Variants in ANO4 observed in about 807,000 individuals in gnomAD.
ANO4 encodes the protein anoctamin 4, also known as anoctamin-4.
ANO4 carries 69 observed loss-of-function variants against 141.9 expected under a neutral mutation model. The observed-to-expected ratio is 0.49, with a 90% CI of 0.40 to 0.59. The LOEUF is 0.59. Among genes scored for constraint, ANO4 ranks in the 20% least tolerant of loss-of-function variants. The pLI, the probability that ANO4 is intolerant of heterozygous loss-of-function variation, is 0.00. For synonymous variants in ANO4, 350 were observed against 394.3 expected, an observed-to-expected ratio of 0.89 and a Z score of 1.33; for missense variants, 894 against 1,162.2, an observed-to-expected ratio of 0.77 and a Z score of 3.36.
intron 14 of ANO4, among the ~76,000 whole-genome samples, chr12:101,066,110 C>G (rs2048573785): frequency 6.6e-6 from 1 of 152,172 alleles, no homozygotes; most frequent in African/African-American, 2.4e-5. Flanking sequence ...AAGGAGAATA[C>G]TTCAACATAA....
rs1258081810 is a variant in ANO4 at position 100,786,444 on chromosome 12, G to T, written c.358+46339G>T. ...CTTCTTCAAGCCACACCTGTTCTTG[G>T]AATGGTACCTCTGCATTGGGGCAGG... On this transcript the variant is annotated intron_variant, in intron 3 of 29. Coordinates refer to the ANO4 transcript ENST00000644049. Among the ~76,000 whole-genome samples, 4 of 152,146 alleles carry T rather than the reference G, an allele frequency of 2.6e-5. No individual in the cohort carries two copies. In the East Asian group the frequency reaches 7.7e-4, roughly 29 times the overall value.
At chr12:100,796,839 T>C (rs541580169) in intron 1 of ANO4, among the ~76,000 whole-genome samples, 1 of 152,248 alleles carries the variant, frequency 6.6e-6, no homozygotes, top group Non-Finnish European at 1.5e-5. Context: ...TGCTTAATCT[T>C]TTTTTCTCTT....
chr12:101,024,319 G>C (rs978119130), intron 9 of ANO4, among the ~76,000 whole-genome samples: 2 of 152,190 alleles, frequency 1.3e-5, no homozygotes, highest in Non-Finnish European at 2.9e-5. Flanking sequence ...TCTGAGGCCA[G>C]GCACGGTGGC....
At chr12:101,002,995 T>A (rs935573073) in intron 8 of ANO4, among the ~76,000 whole-genome samples, 2 of 152,160 alleles carry the variant, frequency 1.3e-5, no homozygotes, top group African/African-American at 4.8e-5. Context: ...CCTATGTTGC[T>A]CTCCTCCCCA....
chr12:100,748,895 C>T (rs552351384), intron 3 of ANO4, among the ~76,000 whole-genome samples: 5 of 151,950 alleles, frequency 3.3e-5, no homozygotes, highest in Non-Finnish European at 5.9e-5. Flanking sequence ...AGATTTTAAT[C>T]GTATGTTATG....
intron 3 of ANO4, among the ~76,000 whole-genome samples, chr12:100,748,012 G>C (rs10860629): frequency 0.25 from 38,072 of 151,968 alleles, 4,991 homozygotes; most frequent in East Asian, 0.46. Context: ...GCTTTTACCT[G>C]TGCACCTAAG....
chr12:100,998,379 T>TTATCTATCTATCTATC (rs5800449), intron 8 of ANO4, among the ~76,000 whole-genome samples: 178 of 148,880 alleles, frequency 1.2e-3, no homozygotes, highest in East Asian at 2.6e-3. Context: ...AAACTCCCCT[T>TTATCTATCTATCTATC]TATCTATCTA....
At chr12:100,771,478 A>AT (rs950968953) in intron 3 of ANO4, among the ~76,000 whole-genome samples, 3 of 151,602 alleles carry the variant, frequency 2.0e-5, no homozygotes, top group African/African-American at 7.3e-5. Context: ...AGAAAGCACC[A>AT]CCCCCCACCC....
chr12:100,749,994 G>GGTTCAAT (rs2032300015), intron 3 of ANO4, among the ~76,000 whole-genome samples: 1 of 152,152 alleles, frequency 6.6e-6, no homozygotes, highest in South Asian at 2.1e-4. Flanking sequence ...ATATGATACT[G>GGTTCAAT]AAGCTTCATA....
intron 8 of ANO4, among the ~76,000 whole-genome samples, chr12:101,012,112 A>G (rs574688548): frequency 1.0e-3 from 155 of 152,284 alleles, no homozygotes; most frequent in African/African-American, 3.6e-3. Flanking sequence ...AAATTTATCT[A>G]TAATATAACC....
At chr12:100,975,801 G>A (rs1436976047) in intron 7 of ANO4, among the ~76,000 whole-genome samples, 1 of 151,928 alleles carries the variant, frequency 6.6e-6, no homozygotes, top group Non-Finnish European at 1.5e-5. Context: ...AGCTTGAAGT[G>A]CAGATAGTCA....
intron 8 of ANO4, among the ~76,000 whole-genome samples, chr12:100,991,042 T>A (rs1378156086): frequency 6.6e-6 from 1 of 152,032 alleles, no homozygotes; most frequent in Non-Finnish European, 1.5e-5. Flanking sequence ...CTGGAATGAA[T>A]CAAACCGAAG....
rs117590046 is a variant in ANO4 at position 100,754,324 on chromosome 12, C to T, written c.358+14219C>T. Among the ~76,000 whole-genome samples, 416 of 152,328 alleles carry T rather than the reference C, an allele frequency of 2.7e-3. 8 individuals carry two copies. In the East Asian group the frequency reaches 0.028, roughly 10 times the overall value. ...ATGCTCTTTTCTTTAGTCCTGTGGT[C>T]ATTGCCATGGATCAAGTCTTTCTAC... is the stretch of plus-strand genomic sequence containing the variant. On this transcript the variant is annotated intron_variant, in intron 3 of 29. Transcript: ENST00000644049.
At chr12:100,731,710 G>A (rs1173138544) in intron 1 of ANO4, among the ~76,000 whole-genome samples, 2 of 152,030 alleles carry the variant, frequency 1.3e-5, no homozygotes, top group African/African-American at 4.8e-5. Context: ...CCATAGTTTT[G>A]CCTTTTCCAG....
chr12:101,008,496 C>T lies in ANO4; in HGVS notation c.735-11538C>T, dbSNP rs149786613. 5.3e-5 allele frequency among the ~76,000 whole-genome samples: 8 copies of T among 152,178 alleles called. No homozygotes were observed. In the East Asian group the frequency reaches 1.5e-3, roughly 29 times the overall value. ...ACTACAGTAGATACCTATTCTTATC[C>T]TTTCAACGTAGTTATATTACAATTT... On this transcript the variant is annotated intron_variant, in intron 8 of 27. Transcript: ENST00000392977.
chr12:100,864,348 A>G (rs927455042), intron 1 of ANO4, among the ~76,000 whole-genome samples: 5 of 152,162 alleles, frequency 3.3e-5, no homozygotes, highest in Non-Finnish European at 7.4e-5. Context: ...CCCCCAAGAA[A>G]AATTAAGATT....
intron 1 of ANO4, among the ~76,000 whole-genome samples, chr12:100,891,448 G>A (rs2040099593): frequency 6.6e-6 from 1 of 152,184 alleles, no homozygotes; most frequent in South Asian, 2.1e-4. Context: ...AGCAGTGAAT[G>A]AAGGTTCCTG....
chr12:101,119,316 C>T (rs572723219), intron 25 of ANO4, among the ~76,000 whole-genome samples: 2 of 152,082 alleles, frequency 1.3e-5, no homozygotes, highest in South Asian at 4.2e-4. Flanking sequence ...AAAAATTAGC[C>T]AGGCATTTTT....
chr12:100,901,302 A>G (rs2040581665), intron 1 of ANO4, among the ~76,000 whole-genome samples: 1 of 152,206 alleles, frequency 6.6e-6, no homozygotes, highest in Non-Finnish European at 1.5e-5. Flanking sequence ...ACTTTGGCCT[A>G]TCTGTGAATC....
Sources: allele counts gnomAD v4.1 joint callset (sites outside exome capture counted in the v4.1 genomes callset), GRCh38; gene constraint gnomAD v4.1.1; transcripts MANE v1.5; gene names NCBI Gene and HGNC (gene_info 2026-07-23, HGNC 2026-07-21).